The following NXPE2 variants were observed in gnomAD, a reference collection of about 807,000 sequenced individuals.
NXPE2 encodes the protein NXPE family member 2.
NXPE2 carries 34 observed loss-of-function variants against 34.4 expected under a neutral mutation model. The ratio of observed to expected loss-of-function variants is 0.99; its 90% CI spans 0.75 to 1.31. The LOEUF is 1.31. Among genes scored for constraint, NXPE2 ranks in the 40% most tolerant of loss-of-function variants. NXPE2 has a pLI of 0.00. For missense variants in NXPE2, 649 were observed against 672.5 expected, an observed-to-expected ratio of 0.97 and a Z score of 0.39; for synonymous variants, 235 against 231.3, an observed-to-expected ratio of 1.02 and a Z score of -0.15.
chr11:114,550,446 G>A, the NXPE2 span, among the ~76,000 whole-genome samples: 1 of 152,038 alleles, frequency 6.6e-6, no homozygotes, highest in East Asian at 1.9e-4. Flanking sequence ...AGTATGCTAC[G>A]GAGGCCGCAC....
chr11:114,721,452 A>G, the NXPE2 span, among the ~76,000 whole-genome samples: 1 of 152,136 alleles, frequency 6.6e-6, no homozygotes, highest in Middle Eastern at 3.2e-3. Context: ...GTTTCTTGTC[A>G]GGACTATGCC....
chr11:114,619,952 G>C, the NXPE2 span, among the ~76,000 whole-genome samples: 1 of 151,870 alleles, frequency 6.6e-6, no homozygotes, highest in Non-Finnish European at 1.5e-5. Flanking sequence ...TGGATAATAA[G>C]TGTTGCCTCG....
chr11:114,546,505 T>C, the NXPE2 span, among the ~76,000 whole-genome samples: 6 of 151,748 alleles, frequency 4.0e-5, no homozygotes, highest in African/African-American at 4.8e-5. Flanking sequence ...TTTTGCTATG[T>C]TGACCAGACT....
the NXPE2 span, among the ~76,000 whole-genome samples, chr11:114,564,410 C>A: frequency 3.9e-5 from 6 of 152,068 alleles, no homozygotes; most frequent in African/African-American, 1.4e-4. Flanking sequence ...CACCATTAAT[C>A]ACAAATAATC....
the NXPE2 span, among the ~76,000 whole-genome samples, chr11:114,550,891 A>G: frequency 3.0e-4 from 46 of 152,264 alleles, no homozygotes; most frequent in African/African-American, 9.9e-4. Context: ...GTCAAATCCT[A>G]ATTGGAATGG....
the NXPE2 span, chr11:114,530,462 G>A: frequency 2.7e-4 from 440 of 1,614,228 alleles, 4 homozygotes; most frequent in African/African-American, 5.3e-3. Context: ...TGGGGTGGAT[G>A]AGCAGCAGAG....
chr11:114,590,075 A>C, the NXPE2 span, among the ~76,000 whole-genome samples: 1 of 152,150 alleles, frequency 6.6e-6, no homozygotes, highest in Non-Finnish European at 1.5e-5. Context: ...GTTAAAATGG[A>C]TGGTGCTGCC....
the NXPE2 span, among the ~76,000 whole-genome samples, chr11:114,622,662 C>A: frequency 6.6e-6 from 1 of 151,798 alleles, no homozygotes; most frequent in Non-Finnish European, 1.5e-5. Flanking sequence ...ACCAGTGTTA[C>A]CCGGTGGATA....
chr11:114,563,247 A>G, the NXPE2 span, among the ~76,000 whole-genome samples: 3 of 152,132 alleles, frequency 2.0e-5, no homozygotes, highest in Non-Finnish European at 2.9e-5. Context: ...GGCAAATAAG[A>G]GGGTGAGTCA....
At chr11:114,574,905 A>G in the NXPE2 span, among the ~76,000 whole-genome samples, 1 of 152,050 alleles carries the variant, frequency 6.6e-6, no homozygotes, top group Non-Finnish European at 1.5e-5. Flanking sequence ...ACTACAGACC[A>G]GTAACATCCC....
chr11:114,656,974 G>A, the NXPE2 span, among the ~76,000 whole-genome samples: 1 of 152,108 alleles, frequency 6.6e-6, no homozygotes, highest in African/African-American at 2.4e-5. Flanking sequence ...GACACCTGTA[G>A]TTCCAGCTAC....
At chr11:114,515,631 G>A in the NXPE2 span, among the ~76,000 whole-genome samples, 2 of 152,176 alleles carry the variant, frequency 1.3e-5, no homozygotes, top group African/African-American at 4.8e-5. Flanking sequence ...ACAGTGCCTA[G>A]CATTCGATCT....
the NXPE2 span, among the ~76,000 whole-genome samples, chr11:114,783,557 G>A: frequency 1.3e-5 from 2 of 152,174 alleles, no homozygotes; most frequent in East Asian, 3.9e-4. Context: ...GAAGTTCTGT[G>A]AAAAGTTGGT....
chr11:114,621,265 A>ATGGGTAACCACTGTTATCCGG, the NXPE2 span, among the ~76,000 whole-genome samples: 1 of 151,280 alleles, frequency 6.6e-6, no homozygotes, highest in Non-Finnish European at 1.5e-5. Flanking sequence ...GTGTTGCCTC[A>ATGGGTAACCACTGTTATCCGG]TGGGTAACCA....
At chr11:114,700,485 A>G (rs987656449) in intron 3 of NXPE2, among the ~76,000 whole-genome samples, 1 of 152,014 alleles carries the variant, frequency 6.6e-6, no homozygotes, top group Admixed American at 6.6e-5. Flanking sequence ...TGTTCTAGGA[A>G]CCATGGTGGA....
the NXPE2 span, among the ~76,000 whole-genome samples, chr11:114,639,747 A>C: frequency 7.7e-6 from 1 of 130,346 alleles, no homozygotes; most frequent in African/African-American, 2.9e-5. Flanking sequence ...AATAATATAT[A>C]ATATATATTA....
the NXPE2 span, among the ~76,000 whole-genome samples, chr11:114,612,625 A>T: frequency 3.3e-5 from 5 of 151,926 alleles, no homozygotes; most frequent in Non-Finnish European, 5.9e-5. Context: ...CCCTGTGGAT[A>T]ATAAGTATTG....
chr11:114,748,074 G>A, the NXPE2 span, among the ~76,000 whole-genome samples: 4 of 152,074 alleles, frequency 2.6e-5, no homozygotes, highest in Non-Finnish European at 5.9e-5. Flanking sequence ...GTCTTTCTGT[G>A]CCTGGCTTAT....
At chr11:114,576,906 A>C in the NXPE2 span, among the ~76,000 whole-genome samples, 1 of 148,046 alleles carries the variant, frequency 6.8e-6, no homozygotes. Context: ...CTAGCAGCAC[A>C]ATTTGCAATT....
Sources: gnomAD v4.1 joint callset for allele counts (sites outside exome capture counted in the v4.1 genomes callset) on GRCh38, gnomAD v4.1.1 for gene constraint, MANE v1.5 for transcripts, NCBI Gene and HGNC (gene_info 2026-07-23, HGNC 2026-07-21) for gene names.